SNTG1: variants seen among roughly 807,000 people sequenced by gnomAD.
SNTG1 encodes syntrophin gamma 1.
Under a neutral mutation model 74.7 loss-of-function variants are expected in SNTG1, and 39 were observed. That is an observed-to-expected ratio of 0.52 (90% confidence interval 0.40 to 0.68). The LOEUF is 0.68. Among genes scored for constraint, SNTG1 ranks in the 30% least tolerant of loss-of-function variants. The probability of loss-of-function intolerance (pLI) is 0.00; values close to 1 mark genes in which losing one functional copy is unlikely to be tolerated. For synonymous variants in SNTG1, 254 were observed against 217.1 expected (o/e 1.17, Z -1.49); for missense variants, 685 against 609.5 (o/e 1.12, Z -1.30).
intron 4 of SNTG1, among the ~76,000 whole-genome samples, chr8:50,412,480 G>C (rs766137355): frequency 1.6e-4 from 25 of 152,060 alleles, no homozygotes; most frequent in Non-Finnish European, 2.5e-4. Context: ...TGTCTTATCG[G>C]GTAATTGTGA....
chr8:50,502,783 G>T lies in SNTG1; in HGVS notation c.369G>T (p.Gln123His). 6.2e-7 allele frequency: 1 copy of T among 1,611,558 alleles called. No homozygotes were observed. Among genetic ancestry groups the T allele is most frequent in the Non-Finnish European group, 8.5e-7 (1 of 1,178,390 alleles). ...CTTTTTATTCTTTTTTTCAGGTTCAGGTTCTTCGGAATGCTGGAGAAGAAG... is the reference window on the plus strand; with the variant it reads ...CTTTTTATTCTTTTTTTCAGGTTCATGTTCTTCGGAATGCTGGAGAAGAAG... The part of the protein sequence containing the change: ...VRKCRHEEVV[Q>H]VLRNAGEEVT... Residue 123 changes from glutamine to histidine, a missense_variant, in exon 9 of 19, where the codon CAG becomes CAT. Gln to His is a conservative substitution (Grantham distance 24). Coordinates refer to ENST00000642720, the MANE Select transcript of SNTG1 (RefSeq NM_018967.5).
chr8:50,462,719 C>G (rs2093574662), intron 8 of SNTG1, among the ~76,000 whole-genome samples: 1 of 148,506 alleles, frequency 6.7e-6, no homozygotes, highest in African/African-American at 2.5e-5. Context: ...CTTTGCTCTT[C>G]CATACAAATC....
intron 2 of SNTG1, among the ~76,000 whole-genome samples, chr8:50,271,860 A>T (rs1036639144): frequency 6.6e-6 from 1 of 152,194 alleles, no homozygotes; most frequent in Non-Finnish European, 1.5e-5. Flanking sequence ...CCTAGCTCCA[A>T]TGAAGGATTA....
intron 2 of SNTG1, among the ~76,000 whole-genome samples, chr8:50,195,575 A>C: frequency 6.6e-6 from 1 of 152,180 alleles, no homozygotes; most frequent in East Asian, 1.9e-4. Context: ...ATGCCAGGCA[A>C]GAATGGCCTG....
chr8:50,459,347 T>C (rs960223869), intron 8 of SNTG1, among the ~76,000 whole-genome samples: 2 of 152,198 alleles, frequency 1.3e-5, no homozygotes, highest in East Asian at 3.8e-4. Flanking sequence ...AGCAAACTAT[T>C]TGTATTAGAA....
At chr8:50,009,653 G>A (rs1050515441) in intron 1 of SNTG1, among the ~76,000 whole-genome samples, 19 of 152,150 alleles carry the variant, frequency 1.2e-4, no homozygotes, top group African/African-American at 4.6e-4. Flanking sequence ...TTCTTTTGCG[G>A]TATTATAAAG....
chr8:50,747,324 A>G (rs1368684397), intron 17 of SNTG1, among the ~76,000 whole-genome samples: 1 of 152,012 alleles, frequency 6.6e-6, no homozygotes, highest in African/African-American at 2.4e-5. Context: ...CTGAACTAGT[A>G]GAATTGTTCA....
Position 49,922,701 on chromosome 8 carries a change from C to T in SNTG1, c.-103+10470C>T, listed in dbSNP as rs541618454. On this transcript the variant is annotated intron_variant, in intron 1 of 18. Coordinates refer to ENST00000642720, the MANE Select transcript of SNTG1 (RefSeq NM_018967.5). ...TTGGCAATAATAGGCAAGTTAACAACCCATGGTCATGAATAATTATCTGGT... is the reference window on the plus strand; with the variant it reads ...TTGGCAATAATAGGCAAGTTAACAATCCATGGTCATGAATAATTATCTGGT... Among the ~76,000 whole-genome samples the T allele has an allele frequency of 1.6e-4, 24 of 152,202 alleles. 2 individuals carry two copies. The East Asian group carries it at 4.5e-3, about 28-fold the overall frequency.
intron 15 of SNTG1, among the ~76,000 whole-genome samples, chr8:50,684,347 G>C (rs547466548): frequency 6.6e-6 from 1 of 152,234 alleles, no homozygotes; most frequent in Non-Finnish European, 1.5e-5. Context: ...ATTAATCCTG[G>C]TTTGGATTAA....
chr8:50,204,166 C>T (rs1486197649), intron 2 of SNTG1, among the ~76,000 whole-genome samples: 1 of 152,128 alleles, frequency 6.6e-6, no homozygotes, highest in Non-Finnish European at 1.5e-5. Flanking sequence ...TAGCCATCTA[C>T]CTTACAGCCC....
chr8:50,415,627 G>A (rs2093004624), intron 4 of SNTG1, among the ~76,000 whole-genome samples: 1 of 152,004 alleles, frequency 6.6e-6, no homozygotes, highest in African/African-American at 2.4e-5. Context: ...CTCCAAGCCA[G>A]TAAAAGTTCC....
intron 18 of SNTG1, among the ~76,000 whole-genome samples, chr8:50,758,440 A>G (rs1007265631): frequency 2.0e-5 from 3 of 151,956 alleles, no homozygotes; most frequent in Admixed American, 6.6e-5. Flanking sequence ...CATCTAAGTT[A>G]GGTATTCCTG....
At chr8:50,300,655 T>C (rs1428016820) in intron 2 of SNTG1, among the ~76,000 whole-genome samples, 3 of 152,150 alleles carry the variant, frequency 2.0e-5, no homozygotes, top group Non-Finnish European at 2.9e-5. Flanking sequence ...AATTCTGATA[T>C]AATTTTTATC....
At chr8:50,384,125 T>G (rs891349502) in intron 2 of SNTG1, among the ~76,000 whole-genome samples, 1 of 152,132 alleles carries the variant, frequency 6.6e-6, no homozygotes, top group African/African-American at 2.4e-5. Flanking sequence ...CACCATATAT[T>G]GAACATATAC....
intron 15 of SNTG1, among the ~76,000 whole-genome samples, chr8:50,689,042 G>T (rs2095365662): frequency 6.8e-6 from 1 of 147,940 alleles, no homozygotes; most frequent in African/African-American, 2.5e-5. Flanking sequence ...ATTCACTTAT[G>T]ATTTGGCTCT....
At chr8:50,052,759 A>G (rs533839726) in intron 1 of SNTG1, among the ~76,000 whole-genome samples, 68 of 152,276 alleles carry the variant, frequency 4.5e-4, no homozygotes, top group African/African-American at 1.5e-3. Flanking sequence ...AAGGAATTAA[A>G]GAGATATTTC....
At position 50,796,440 on chromosome 8, in the gene SNTG1, C is replaced by T. The variant is rs1802815559; in HGVS notation, c.*3611C>T. Reference sequence around the variant, plus strand: ...CCACTTATTTGCACATTTGAATTTGCTTTTGAAAATAAAATATTATAAATG... The same window carrying T: ...CCACTTATTTGCACATTTGAATTTGTTTTTGAAAATAAAATATTATAAATG... On this transcript the variant is annotated 3_prime_UTR_variant, in exon 19 of 19. Coordinates refer to ENST00000642720, the MANE Select transcript of SNTG1 (RefSeq NM_018967.5). 6.6e-6 allele frequency: 1 copy of T among 151,542 alleles called. No homozygotes were observed. Among genetic ancestry groups the T allele is most frequent in the Non-Finnish European group, 1.5e-5 (1 of 67,816 alleles). The allele number at this position is 151,542 out of a possible 1,614,324, so 9.4% of individuals were successfully genotyped here.
intron 1 of SNTG1, among the ~76,000 whole-genome samples, chr8:49,947,794 A>G (rs534270101): frequency 2.6e-5 from 4 of 152,170 alleles, no homozygotes; most frequent in Non-Finnish European, 4.4e-5. Context: ...ACATCATCCA[A>G]AAAATATGTT....
At chr8:50,723,501 T>C (rs1213999296) in intron 17 of SNTG1, among the ~76,000 whole-genome samples, 1 of 152,168 alleles carries the variant, frequency 6.6e-6, no homozygotes, top group Non-Finnish European at 1.5e-5. Context: ...TTTCATAGGC[T>C]TTTATAAGCT....
Sources: gnomAD v4.1 joint callset for allele counts (sites outside exome capture counted in the v4.1 genomes callset) on GRCh38, gnomAD v4.1.1 for gene constraint, MANE v1.5 for transcripts, NCBI Gene and HGNC (gene_info 2026-07-23, HGNC 2026-07-21) for gene names.